CCDC60: variants seen among roughly 807,000 people sequenced by gnomAD.
CCDC60 encodes coiled-coil domain containing 60.
In CCDC60, 54 loss-of-function variants were observed where a neutral mutation model predicts 63.5. That is an observed-to-expected ratio of 0.85 (90% CI 0.68 to 1.07). The LOEUF is 1.07. Ranked by LOEUF, CCDC60 falls within the 50% of genes least tolerant of loss-of-function variation. The pLI, the probability that CCDC60 is intolerant of heterozygous loss-of-function variation, is 0.00. For synonymous variants in CCDC60, 206 were observed against 238.8 expected, an observed-to-expected ratio of 0.86 and a Z score of 1.27; for missense variants, 651 against 684.3, an observed-to-expected ratio of 0.95 and a Z score of 0.54.
At chr12:119,489,747 C>T (rs999045020) in intron 5 of CCDC60, among the ~76,000 whole-genome samples, 4 of 151,994 alleles carry the variant, frequency 2.6e-5, no homozygotes, top group African/African-American at 4.8e-5. Flanking sequence ...CTAACCCATG[C>T]CCTCCCATAG....
intron 1 of CCDC60, among the ~76,000 whole-genome samples, chr12:119,384,366 C>T (rs1226933513): frequency 2.0e-5 from 3 of 152,198 alleles, no homozygotes; most frequent in African/African-American, 4.8e-5. Context: ...CTTCTTCCTC[C>T]CTGCAGCTTC....
rs1797598537 is a variant in CCDC60 at position 119,476,635 on chromosome 12, A to G, written c.342-2459A>G. ...GCTAAGTGATCTTTTCAAAATATAAATTGCACACAGCCTAACACCCTCCAT... is the reference window on the plus strand; with the variant it reads ...GCTAAGTGATCTTTTCAAAATATAAGTTGCACACAGCCTAACACCCTCCAT... On this transcript the variant is annotated intron_variant, in intron 3 of 13. Coordinates refer to ENST00000327554, the MANE Select transcript of CCDC60 (RefSeq NM_178499.5). Among the ~76,000 whole-genome samples the G allele has an allele frequency of 2.0e-5, 3 of 152,122 alleles. No homozygotes were observed. In the South Asian group the frequency reaches 6.2e-4, roughly 32 times the overall value.
At chr12:119,447,937 C>T (rs534890223) in intron 2 of CCDC60, 4 of 149,084 alleles carry the variant, frequency 2.7e-5, no homozygotes, top group South Asian at 2.2e-4. Flanking sequence ...AAAGTGGCTA[C>T]TGAGTCTAAT....
intron 2 of CCDC60, among the ~76,000 whole-genome samples, chr12:119,468,974 GCTC>G (rs1951005853): frequency 6.6e-6 from 1 of 151,524 alleles, no homozygotes; most frequent in Non-Finnish European, 1.5e-5. Flanking sequence ...TTTAAGAAAA[GCTC>G]CTTTTTTACC....
chr12:119,431,534 G>C (rs935530733), intron 2 of CCDC60, among the ~76,000 whole-genome samples: 2 of 152,220 alleles, frequency 1.3e-5, no homozygotes, highest in Non-Finnish European at 2.9e-5. Context: ...CCAGCTGCAT[G>C]ACTCCTAAAC....
chr12:119,516,987 C>T (rs1326131302), intron 8 of CCDC60, among the ~76,000 whole-genome samples: 2 of 151,986 alleles, frequency 1.3e-5, no homozygotes, highest in Non-Finnish European at 2.9e-5. Context: ...ACCTTTCTTA[C>T]CAATTTATTT....
intron 7 of CCDC60, among the ~76,000 whole-genome samples, chr12:119,513,513 C>T (rs530292391): frequency 6.6e-6 from 1 of 152,334 alleles, no homozygotes; most frequent in East Asian, 1.9e-4. Context: ...CGTGTCATCA[C>T]ATAGCCACCT....
At chr12:119,402,171 A>G (rs905366496) in intron 1 of CCDC60, 3 of 152,188 alleles carry the variant, frequency 2.0e-5, no homozygotes, top group African/African-American at 7.2e-5. Context: ...TCACAAGCCT[A>G]TGAAGTAGGC....
At chr12:119,446,170 A>C (rs892609922) in intron 2 of CCDC60, among the ~76,000 whole-genome samples, 30 of 152,264 alleles carry the variant, frequency 2.0e-4, no homozygotes, top group Non-Finnish European at 2.9e-5. Context: ...CAGTCTCAAA[A>C]AAAAAGCTTA....
chr12:119,488,309 T>C (rs1382691382), intron 4 of CCDC60, among the ~76,000 whole-genome samples: 1 of 152,212 alleles, frequency 6.6e-6, no homozygotes, highest in Non-Finnish European at 1.5e-5. Context: ...TTACACACTC[T>C]TAGTTTATTT....
intron 1 of CCDC60, among the ~76,000 whole-genome samples, chr12:119,395,157 C>G (rs1029415214): frequency 6.6e-6 from 1 of 152,184 alleles, no homozygotes; most frequent in Non-Finnish European, 1.5e-5. Context: ...GTGCAACCAA[C>G]AGATGAAAAG....
At chr12:119,463,445 C>A (rs1312295943) in intron 2 of CCDC60, among the ~76,000 whole-genome samples, 7 of 152,250 alleles carry the variant, frequency 4.6e-5, no homozygotes, top group African/African-American at 1.7e-4. Context: ...CTCAGCTCTG[C>A]TTCTTTCCAG....
At chr12:119,344,222 G>A (rs1035356785) in intron 1 of CCDC60, among the ~76,000 whole-genome samples, 44 of 152,024 alleles carry the variant, frequency 2.9e-4, no homozygotes, top group African/African-American at 9.4e-4. Context: ...TGGTGACAAC[G>A]AAAAACATCT....
intron 1 of CCDC60, among the ~76,000 whole-genome samples, chr12:119,373,659 G>T (rs1288908322): frequency 7.9e-6 from 1 of 126,034 alleles, no homozygotes; most frequent in African/African-American, 2.9e-5. Flanking sequence ...TTTCTCTCCG[G>T]GGTGGGGTGG....
At chr12:119,448,994 T>C (rs1950587111) in intron 2 of CCDC60, among the ~76,000 whole-genome samples, 1 of 152,178 alleles carries the variant, frequency 6.6e-6, no homozygotes, top group Non-Finnish European at 1.5e-5. Flanking sequence ...GCGGTGGGGA[T>C]TGCAGCCTGG....
At chr12:119,422,504 G>A (rs1956830766) in intron 1 of CCDC60, among the ~76,000 whole-genome samples, 2 of 152,222 alleles carry the variant, frequency 1.3e-5, no homozygotes, top group South Asian at 4.1e-4. Flanking sequence ...AGAAGGCAAA[G>A]TGTGAGCAGG....
At chr12:119,378,387 T>A (rs1438633330) in intron 1 of CCDC60, among the ~76,000 whole-genome samples, 1 of 152,150 alleles carries the variant, frequency 6.6e-6, no homozygotes, top group Non-Finnish European at 1.5e-5. Context: ...AGAAAGGAAA[T>A]GATTTGGGGG....
rs1485708832 is a variant in CCDC60, at chr12:119,540,732, C to T, written c.*17C>T. 2 of 1,562,348 alleles carry T rather than the reference C, an allele frequency of 1.3e-6. No homozygotes were observed. The highest frequency in any genetic ancestry group is 1.1e-5 in the South Asian group (1 of 89,890). ...CTGAGGTAGGCTGGGCCTGGGTTGA[C>T]CAGCTGTCTCAGTGGAGGAGTGTTT... is the stretch of plus-strand genomic sequence containing the variant. On this transcript the variant is annotated 3_prime_UTR_variant, in exon 14 of 14. Transcript: ENST00000327554.
At chr12:119,362,976 T>C (rs1955805577) in intron 1 of CCDC60, among the ~76,000 whole-genome samples, 1 of 152,202 alleles carries the variant, frequency 6.6e-6, no homozygotes. Flanking sequence ...CACATGCCTG[T>C]AATCCCAGCT....
Sources: gnomAD v4.1 joint callset for allele counts (sites outside exome capture counted in the v4.1 genomes callset) on GRCh38, gnomAD v4.1.1 for gene constraint, MANE v1.5 for transcripts, NCBI Gene and HGNC (gene_info 2026-07-23, HGNC 2026-07-21) for gene names.